POLE2: variants seen among roughly 807,000 people sequenced by gnomAD.
POLE2 encodes the protein DNA polymerase epsilon subunit 2.
In POLE2, 56 loss-of-function variants were observed where a neutral mutation model predicts 79.4. The ratio of observed to expected loss-of-function variants is 0.71; its 90% CI spans 0.57 to 0.88. POLE2 has a LOEUF of 0.88. Ranked by LOEUF, POLE2 falls within the 40% of genes least tolerant of loss-of-function variation. POLE2 has a pLI of 0.00. For missense variants in POLE2, 598 were observed against 638.9 expected (o/e 0.94, Z 0.69); for synonymous variants, 212 against 214.0 (o/e 0.99, Z 0.08).
chr14:49,672,754 C>A (rs1194821375), intron 5 of POLE2, among the ~76,000 whole-genome samples: 1 of 152,170 alleles, frequency 6.6e-6, no homozygotes, highest in Admixed American at 6.5e-5. Context: ...CCACCTCGGC[C>A]TCCCAAAGTG....
chr14:49,650,845 A>C (rs1382660747), intron 16 of POLE2, among the ~76,000 whole-genome samples: 2 of 152,204 alleles, frequency 1.3e-5, no homozygotes, highest in Non-Finnish European at 2.9e-5. Flanking sequence ...GGTGTATGTA[A>C]CCTGTGATTG....
At chr14:49,645,537 G>A (rs1366712071) in intron 18 of POLE2, among the ~76,000 whole-genome samples, 1 of 152,180 alleles carries the variant, frequency 6.6e-6, no homozygotes, top group Non-Finnish European at 1.5e-5. Context: ...ATTATAGTTT[G>A]GAAATTATGT....
At chr14:49,680,339 G>C (rs1327090262) in intron 2 of POLE2, among the ~76,000 whole-genome samples, 2 of 149,184 alleles carry the variant, frequency 1.3e-5, no homozygotes, top group East Asian at 1.9e-4. Flanking sequence ...GCCACACAGA[G>C]TGAGATACTA....
intron 6 of POLE2, among the ~76,000 whole-genome samples, chr14:49,667,802 C>T (rs773330352): frequency 2.0e-5 from 3 of 152,028 alleles, no homozygotes; most frequent in Admixed American, 6.6e-5. Flanking sequence ...ATAGAAATTA[C>T]CAAGTGGAGC....
At chr14:49,651,420 AT>A (rs751124492) in intron 15 of POLE2, 43 bp from the exon 16 acceptor site, 2 of 833,898 alleles carry the variant, frequency 2.4e-6, no homozygotes, top group Non-Finnish European at 1.9e-6. Context: ...TCAGAAAAAA[AT>A]GATATTAATT....
chr14:49,669,628 C>A lies in POLE2; in HGVS notation c.418-30G>T, dbSNP rs376088579. ...AAAAAAGAAAGATTCACATGAATTC[C>A]TGAAACAGACATTTAAATATAAGAT... On this transcript the variant is annotated intron_variant, in intron 5 of 18. Coordinates refer to ENST00000216367, the MANE Select transcript of POLE2 (RefSeq NM_002692.4). 90 of 1,111,268 alleles carry A rather than the reference C, an allele frequency of 8.1e-5. 1 individual carries two copies. In the African/African-American group the frequency reaches 9.6e-4, roughly 12 times the overall value. 68.8% of individuals were successfully genotyped at this position (1,111,268 alleles called of 1,614,324 possible).
At position 49,670,090 on chromosome 14, in the gene POLE2, C is replaced by T. The variant is rs374563421; in HGVS notation, c.418-492G>A. Among the ~76,000 whole-genome samples the T allele has an allele frequency of 1.6e-4, 24 of 152,008 alleles. No individual in the cohort carries two copies. The East Asian group carries it at 3.5e-3, about 22-fold the overall frequency. On this transcript the variant is annotated intron_variant, in intron 5 of 18. Coordinates refer to ENST00000216367, the MANE Select transcript of POLE2 (RefSeq NM_002692.4). ...CAGCACTTTGGGAGGTCGAGGAGGGCGGATCACCTGAGGTCAGGAGTTCGA... is the reference window on the plus strand; with the variant it reads ...CAGCACTTTGGGAGGTCGAGGAGGGTGGATCACCTGAGGTCAGGAGTTCGA...
At chr14:49,655,142 C>A in intron 11 of POLE2, 48 bp from the exon 12 acceptor site, 1 of 873,080 alleles carries the variant, frequency 1.1e-6, no homozygotes, top group South Asian at 2.7e-5. Flanking sequence ...GTCTACAAAT[C>A]AAGTTAAAAA....
intron 1 of POLE2, among the ~76,000 whole-genome samples, chr14:49,684,210 C>T (rs1886943689): frequency 6.6e-6 from 1 of 152,120 alleles, no homozygotes; most frequent in South Asian, 2.1e-4. Flanking sequence ...CGCCTGTAAT[C>T]CCAGCATTTT....
At position 49,674,162 on chromosome 14, in the gene POLE2, T is replaced by C. The variant is rs146926024; in HGVS notation, c.378A>G (p.Lys126=). The change falls in exon 5 of 19, where the codon AAA becomes AAG. Residue 126 remains lysine (K), a synonymous_variant. Coordinates refer to ENST00000216367, the MANE Select transcript of POLE2 (RefSeq NM_002692.4). The stretch of plus-strand genomic sequence containing the variant: ...TATATCGCTCACGAAACATCTCTGC[T>C]TTATCTCTTGGTGTTCCAAATAAAT... The part of the protein sequence containing the change: ...APNLFGTPRD[K]AEMFRERYTI... The C allele has an allele frequency of 5.6e-4, 904 of 1,613,730 alleles. 14 individuals are homozygous for C. The East Asian group carries it at 0.017, about 29-fold the overall frequency.
intron 10 of POLE2, among the ~76,000 whole-genome samples, chr14:49,662,246 C>G (rs1161809126): frequency 6.6e-6 from 1 of 152,186 alleles, no homozygotes; most frequent in Non-Finnish European, 1.5e-5. Flanking sequence ...AAACTCCCAG[C>G]CAGGAAATGT....
intron 3 of POLE2, among the ~76,000 whole-genome samples, chr14:49,678,679 CAG>C (rs1886484051): frequency 6.6e-6 from 1 of 151,890 alleles, no homozygotes; most frequent in Non-Finnish European, 1.5e-5. Context: ...TTTTTTGAGA[CAG>C]AGTCTCACTC....
intron 10 of POLE2, among the ~76,000 whole-genome samples, chr14:49,659,548 GAA>G (rs970743792): frequency 6.5e-4 from 99 of 152,226 alleles, no homozygotes; most frequent in African/African-American, 2.3e-3. Flanking sequence ...AGGTTATAAA[GAA>G]TGTTATAGTA....
intron 17 of POLE2, among the ~76,000 whole-genome samples, chr14:49,648,483 T>C (rs1297671036): frequency 6.6e-6 from 1 of 152,246 alleles, no homozygotes; most frequent in Non-Finnish European, 1.5e-5. Flanking sequence ...AGCATCACCA[T>C]GAAAGACTAT....
intron 6 of POLE2, among the ~76,000 whole-genome samples, chr14:49,668,220 A>G (rs1885625673): frequency 1.3e-5 from 2 of 152,150 alleles, no homozygotes; most frequent in South Asian, 4.1e-4. Context: ...CAGTGAGCCA[A>G]GATCGCACTA....
rs45544134 is a variant in POLE2 at position 49,668,998 on chromosome 14, T to C, written c.492+526A>G. Among the ~76,000 whole-genome samples, 27 of 152,288 alleles carry C rather than the reference T, an allele frequency of 1.8e-4. No homozygotes were observed. The East Asian group carries it at 2.5e-3, about 14-fold the overall frequency. ...TTTATTGTTTATAAAGATGAGGTCT[T>C]ACTATGTTGGCCAGGTTGTGGGACC... On this transcript the variant is annotated intron_variant, in intron 6 of 18. Coordinates refer to ENST00000216367, the MANE Select transcript of POLE2 (RefSeq NM_002692.4).
At chr14:49,673,553 C>T (rs1184630397) in intron 5 of POLE2, among the ~76,000 whole-genome samples, 3 of 152,152 alleles carry the variant, frequency 2.0e-5, no homozygotes, top group African/African-American at 4.8e-5. Flanking sequence ...TCCTTGAAGC[C>T]TTTCCTGATT....
At chr14:49,680,208 G>A (rs1309483845) in intron 2 of POLE2, among the ~76,000 whole-genome samples, 1 of 152,132 alleles carries the variant, frequency 6.6e-6, no homozygotes, top group Non-Finnish European at 1.5e-5. Context: ...AACTTAGCTG[G>A]GGGTGGTGGC....
At chr14:49,662,041 A>G (rs1252045550) in intron 10 of POLE2, among the ~76,000 whole-genome samples, 1 of 152,210 alleles carries the variant, frequency 6.6e-6, no homozygotes, top group Non-Finnish European at 1.5e-5. Context: ...TACCATGACA[A>G]TGGCAATTTT....
Sources: allele counts gnomAD v4.1 joint callset (sites outside exome capture counted in the v4.1 genomes callset), GRCh38; gene constraint gnomAD v4.1.1; transcripts MANE v1.5; gene names NCBI Gene and HGNC (gene_info 2026-07-23, HGNC 2026-07-21).